SMARCA2: variants seen among roughly 807,000 people sequenced by gnomAD.
SMARCA2 encodes SWI/SNF related BAF chromatin remodeling complex subunit ATPase 2, also known as SWI/SNF-related matrix-associated actin-dependent regulator of chromatin subfamily A member 2.
SMARCA2 carries 61 observed loss-of-function variants against 199.8 expected under a neutral mutation model. The observed-to-expected ratio is 0.31, with a 90% confidence interval of 0.25 to 0.38. The LOEUF (loss-of-function observed/expected upper bound fraction) is 0.38, where lower values mean the gene tolerates loss of function less well. Ranked by LOEUF, SMARCA2 falls within the 10% of genes least tolerant of loss-of-function variation. SMARCA2 has a pLI of 1.00. For missense variants in SMARCA2, 1,344 were observed against 2,012.2 expected (o/e 0.67, Z 6.35); for synonymous variants, 935 against 732.0 (o/e 1.28, Z -4.48).
chr9:2,163,620 G>A (rs567021884), intron 28 of SMARCA2, among the ~76,000 whole-genome samples: 1 of 152,202 alleles, frequency 6.6e-6, no homozygotes, highest in Admixed American at 6.5e-5. Context: ...GCATCACTCT[G>A]TATATACATC....
chr9:2,035,230 C>A (rs2130219992), intron 3 of SMARCA2, among the ~76,000 whole-genome samples: 1 of 152,096 alleles, frequency 6.6e-6, no homozygotes, highest in South Asian at 2.1e-4. Flanking sequence ...TTAATAGAGA[C>A]AGGGTTTCAC....
intron 4 of SMARCA2, among the ~76,000 whole-genome samples, chr9:2,046,425 A>G (rs1819846779): frequency 6.6e-6 from 1 of 152,184 alleles, no homozygotes; most frequent in Non-Finnish European, 1.5e-5. Flanking sequence ...ATATTTGCCA[A>G]TTTTTATTAG....
Position 2,054,617 on chromosome 9 carries a change from A to G in SMARCA2, c.1067A>G (p.His356Arg). ...TTTAGACTTCAGGCCCGCATAGCTC[A>G]TAGGATACAAGAACTGGAAAATCTG... ...REYRLQARIAHRIQELENLPG... is the reference protein window; with the variant it reads ...REYRLQARIARRIQELENLPG... The change falls in exon 6 of 34, where the codon CAT becomes CGT. Residue 356 changes from histidine to arginine, a missense_variant. Physicochemically the swap from His to Arg is conservative, Grantham distance 29. This residue lies in a region of SMARCA2 where 155 missense variants were observed against 260.0 expected (regional missense o/e 0.60). Coordinates refer to ENST00000349721, the MANE Select transcript of SMARCA2 (RefSeq NM_003070.5). 1 of 1,614,042 alleles carries G rather than the reference A, an allele frequency of 6.2e-7. No individual in the cohort carries two copies. The highest frequency in any genetic ancestry group is 8.5e-7 in the Non-Finnish European group (1 of 1,179,958).
intron 29 of SMARCA2, among the ~76,000 whole-genome samples, chr9:2,180,931 C>CT: frequency 6.6e-6 from 1 of 152,232 alleles, no homozygotes; most frequent in Non-Finnish European, 1.5e-5. Flanking sequence ...CCAAATTGCT[C>CT]TACACACACA....
At chr9:2,175,899 G>A (rs913400013) in intron 29 of SMARCA2, among the ~76,000 whole-genome samples, 2 of 150,412 alleles carry the variant, frequency 1.3e-5, no homozygotes, top group Non-Finnish European at 3.0e-5. Context: ...TGTTTTTTGA[G>A]ATGAAGTTTC....
At chr9:2,190,806 ATGAT>A (rs1424990320) in intron 32 of SMARCA2, among the ~76,000 whole-genome samples, 1 of 152,238 alleles carries the variant, frequency 6.6e-6, no homozygotes, top group Non-Finnish European at 1.5e-5. Flanking sequence ...TGTTAAAAAT[ATGAT>A]TGAACTATTT....
chr9:2,043,748 A>C lies in SMARCA2; in HGVS notation c.791-3481A>C, dbSNP rs184261890. The C allele has an allele frequency of 4.6e-5, 7 of 152,336 alleles. No individual in the cohort carries two copies. The East Asian group carries it at 1.4e-3, about 29-fold the overall frequency. The allele number at this position is 152,336 out of a possible 1,614,324, so 9.4% of individuals were successfully genotyped here. A position where few individuals can be genotyped will look rare whatever the true frequency, so the allele number is the denominator to read the frequency against. On this transcript the variant is annotated intron_variant, in intron 4 of 33. Transcript: ENST00000349721. ...CTGTGAGACTTGGGTATTTTAATACATTGTTACCCTATTGCATCAAATCAC... is the reference window on the plus strand; with the variant it reads ...CTGTGAGACTTGGGTATTTTAATACCTTGTTACCCTATTGCATCAAATCAC...
chr9:2,025,486 G>T (rs1818787829), intron 1 of SMARCA2, among the ~76,000 whole-genome samples: 2 of 152,178 alleles, frequency 1.3e-5, no homozygotes, highest in African/African-American at 2.4e-5. Flanking sequence ...TATGTGAGCA[G>T]ACCTACCACT....
intron 27 of SMARCA2, among the ~76,000 whole-genome samples, chr9:2,130,682 C>T (rs150285572): frequency 4.6e-5 from 7 of 151,972 alleles, no homozygotes; most frequent in African/African-American, 1.5e-4. Context: ...TATTTGCATG[C>T]GCAATTATAC....
intron 19 of SMARCA2, among the ~76,000 whole-genome samples, chr9:2,089,535 T>C (rs1821959842): frequency 6.6e-6 from 1 of 152,228 alleles, no homozygotes; most frequent in African/African-American, 2.4e-5. Flanking sequence ...GTGTACAACG[T>C]TGATCACTTT....
chr9:2,174,241 A>C (rs10811579), intron 29 of SMARCA2, among the ~76,000 whole-genome samples: 46,303 of 152,148 alleles, frequency 0.3, 7,263 homozygotes, highest in Middle Eastern at 0.4. Flanking sequence ...AAGGAGGCTC[A>C]GCTGGAAATA....
chr9:2,168,503 T>C (rs2129700628), intron 28 of SMARCA2, among the ~76,000 whole-genome samples: 1 of 152,306 alleles, frequency 6.6e-6, no homozygotes, highest in East Asian at 1.9e-4. Flanking sequence ...GCAGGGCTCT[T>C]ATTTCAAAAT....
At chr9:2,023,464 C>T (rs1818691870) in intron 1 of SMARCA2, among the ~76,000 whole-genome samples, 1 of 152,158 alleles carries the variant, frequency 6.6e-6, no homozygotes. Context: ...TTGTGAATAA[C>T]CCCAAGAATG....
chr9:2,046,061 G>A (rs1819829564), intron 4 of SMARCA2: 1 of 152,154 alleles, frequency 6.6e-6, no homozygotes, highest in Admixed American at 6.5e-5. Flanking sequence ...TCGCTCTGAA[G>A]TATGTAGACT....
chr9:2,149,674 A>G (rs1563804081), intron 27 of SMARCA2, among the ~76,000 whole-genome samples: 1 of 151,588 alleles, frequency 6.6e-6, no homozygotes, highest in South Asian at 2.1e-4. Flanking sequence ...TGGGAGTACA[A>G]TTCAAGATGA....
chr9:2,140,400 C>T (rs1034498626), intron 27 of SMARCA2, among the ~76,000 whole-genome samples: 2 of 152,162 alleles, frequency 1.3e-5, no homozygotes, highest in African/African-American at 2.4e-5. Flanking sequence ...CCAGGGAGAT[C>T]ACCAAAATGA....
chr9:2,086,793 G>A lies in SMARCA2; in HGVS notation c.2527-36G>A, dbSNP rs1821821016. 6.2e-7 allele frequency: 1 copy of A among 1,611,200 alleles called. No homozygotes were observed. Among genetic ancestry groups the A allele is most frequent in the East Asian group, 2.2e-5 (1 of 44,854 alleles). ...GTTGGAAATAGTTGTATTTTCCCTT[G>A]CTTACTACACGTCCGTCCTTCCTCT... On this transcript the variant is annotated intron_variant, in intron 17 of 33. Coordinates refer to ENST00000349721, the MANE Select transcript of SMARCA2 (RefSeq NM_003070.5). This position sits in a 1 kb window ranked among gnomAD's most constrained non-coding sequence, Gnocchi z 4.3.
intron 4 of SMARCA2, chr9:2,045,513 T>C (rs1219940295): frequency 6.6e-6 from 1 of 152,160 alleles, no homozygotes; most frequent in Non-Finnish European, 1.5e-5. Context: ...GACTTAATAT[T>C]TACAAATTGG....
intron 9 of SMARCA2, among the ~76,000 whole-genome samples, chr9:2,062,137 A>G (rs1244029842): frequency 2.6e-5 from 4 of 152,228 alleles, no homozygotes; most frequent in Non-Finnish European, 5.9e-5. Flanking sequence ...TAAATCATAT[A>G]AATGTAGTTA....
Sources: allele counts gnomAD v4.1 joint callset (sites outside exome capture counted in the v4.1 genomes callset), GRCh38; gene constraint gnomAD v4.1.1; regional missense constraint gnomAD v4.1.1; non-coding constraint Gnocchi (gnomAD v3.1); transcripts MANE v1.5; gene names NCBI Gene and HGNC (gene_info 2026-07-23, HGNC 2026-07-21).